Variants in DOCK1 observed in about 807,000 individuals in gnomAD.
DOCK1 encodes the protein dedicator of cytokinesis 1.
A neutral mutation model predicts 262.7 loss-of-function variants in DOCK1; 138 were observed. That is an observed-to-expected ratio of 0.53 (90% CI 0.46 to 0.61). The LOEUF (loss-of-function observed/expected upper bound fraction) is 0.61. Among genes scored for constraint, DOCK1 ranks in the 20% least tolerant of loss-of-function variants. The probability of loss-of-function intolerance (pLI) is 0.00; values close to 1 mark genes in which losing one functional copy is unlikely to be tolerated. For synonymous variants in DOCK1, 866 were observed against 867.4 expected (o/e 1.00, Z 0.03); for missense variants, 1,908 against 2,370.7 (o/e 0.80, Z 4.05).
At chr10:127,000,929 T>G (rs1039751530) in intron 10 of DOCK1, 2 of 154,872 alleles carry the variant, frequency 1.3e-5, no homozygotes, top group African/African-American at 4.8e-5. Flanking sequence ...GTGCTCTTCC[T>G]CCACCCTGCT....
At chr10:127,026,069 A>AAAAAG in intron 15 of DOCK1, 10 of 310,222 alleles carry the variant, frequency 3.2e-5, no homozygotes, top group Non-Finnish European at 4.7e-5. Flanking sequence ...CAAAAAAAAA[A>AAAAAG]AAAGAAAGAA....
At chr10:127,115,082 GT>G (rs1271354418) in intron 25 of DOCK1, among the ~76,000 whole-genome samples, 1 of 151,992 alleles carries the variant, frequency 6.6e-6, no homozygotes, top group Non-Finnish European at 1.5e-5. Flanking sequence ...CTATATGCCC[GT>G]CCCCCAGATA....
intron 13 of DOCK1, among the ~76,000 whole-genome samples, chr10:127,019,425 C>T (rs766136226): frequency 1.3e-5 from 2 of 152,058 alleles, no homozygotes; most frequent in Admixed American, 1.3e-4. Context: ...CCTTTATATC[C>T]GTGTGATACT....
intron 23 of DOCK1, among the ~76,000 whole-genome samples, chr10:127,095,814 A>G (rs2047875287): frequency 6.6e-6 from 1 of 152,210 alleles, no homozygotes; most frequent in South Asian, 2.1e-4. Flanking sequence ...GCTTCAAGGA[A>G]GGCATAACAA....
At chr10:127,026,068 A>AAAG in intron 15 of DOCK1, 1 of 221,290 alleles carries the variant, frequency 4.5e-6, no homozygotes, top group Non-Finnish European at 7.9e-6. Context: ...TCAAAAAAAA[A>AAAG]AAAAGAAAGA....
intron 1 of DOCK1, among the ~76,000 whole-genome samples, chr10:126,938,765 G>C: frequency 6.6e-6 from 1 of 151,348 alleles, no homozygotes; most frequent in South Asian, 2.1e-4. Context: ...CGGAGGGGAT[G>C]AAGACAGGAG....
chr10:126,977,481 T>C (rs2038635251), intron 2 of DOCK1, among the ~76,000 whole-genome samples: 1 of 152,090 alleles, frequency 6.6e-6, no homozygotes, highest in African/African-American at 2.4e-5. Context: ...AAAAGTGCCC[T>C]GTCTTGAAGT....
At chr10:127,181,265 C>T (rs935552532) in intron 27 of DOCK1, among the ~76,000 whole-genome samples, 11 of 152,140 alleles carry the variant, frequency 7.2e-5, no homozygotes, top group Admixed American at 2.0e-4. Flanking sequence ...TTTGAGCAAA[C>T]GTACTGTAAG....
rs540985363 is a variant in DOCK1 at position 127,392,647 on chromosome 10, A to G, written c.3927+7738A>G. ...GTGGCCGTCACCCAGACTTTCCACAAAGTTCCTTATTTGGGGCATATTTTG... is the reference window on the plus strand; with the variant it reads ...GTGGCCGTCACCCAGACTTTCCACAGAGTTCCTTATTTGGGGCATATTTTG... On this transcript the variant is annotated intron_variant, in intron 38 of 51. Coordinates refer to ENST00000623213, the MANE Select transcript of DOCK1 (RefSeq NM_001290223.2). Among the ~76,000 whole-genome samples, 730 of 152,206 alleles carry G rather than the reference A, an allele frequency of 4.8e-3. 6 individuals are homozygous for G. Among genetic ancestry groups the G allele is most frequent in the African/African-American group, 0.017 (692 of 41,528 alleles).
At chr10:126,909,510 C>G (rs1176409160) in intron 1 of DOCK1, among the ~76,000 whole-genome samples, 4 of 152,158 alleles carry the variant, frequency 2.6e-5, no homozygotes, top group Middle Eastern at 3.2e-3. Flanking sequence ...GGGTGAGGCT[C>G]TCTTGCACCC....
At chr10:127,137,173 C>G (rs1236847193) in intron 27 of DOCK1, 1 of 152,620 alleles carries the variant, frequency 6.6e-6, no homozygotes, top group Non-Finnish European at 1.5e-5. Context: ...GAGCAGTAAA[C>G]ATGTCGTAAG....
intron 27 of DOCK1, among the ~76,000 whole-genome samples, chr10:127,220,477 A>C (rs1046627566): frequency 3.3e-5 from 5 of 151,006 alleles, no homozygotes; most frequent in African/African-American, 4.9e-5. Context: ...TAAAAAAAAA[A>C]CTTAAGTCTA....
intron 1 of DOCK1, among the ~76,000 whole-genome samples, chr10:126,941,127 C>T (rs974654328): frequency 0.065 from 9,899 of 152,120 alleles, 420 homozygotes; most frequent in Middle Eastern, 0.17. Context: ...AAAATGTGCT[C>T]GGTTGGTTTA....
At chr10:126,941,092 T>C (rs2034943897) in intron 1 of DOCK1, among the ~76,000 whole-genome samples, 1 of 152,182 alleles carries the variant, frequency 6.6e-6, no homozygotes, top group African/African-American at 2.4e-5. Flanking sequence ...GTTTGGTCAT[T>C]GTCTGGGAGG....
chr10:126,975,153 T>C (rs1388079254), intron 2 of DOCK1, among the ~76,000 whole-genome samples: 2 of 152,148 alleles, frequency 1.3e-5, no homozygotes, highest in Non-Finnish European at 1.5e-5. Context: ...CGTGCTCCAT[T>C]TAAAATGCAC....
chr10:127,352,727 G>C (rs2063945045), intron 31 of DOCK1, among the ~76,000 whole-genome samples: 1 of 152,102 alleles, frequency 6.6e-6, no homozygotes. Context: ...CAAGTAGCTG[G>C]GATTACAGAC....
chr10:127,356,884 T>A (rs2064173644), intron 32 of DOCK1, among the ~76,000 whole-genome samples: 1 of 152,142 alleles, frequency 6.6e-6, no homozygotes, highest in Non-Finnish European at 1.5e-5. Context: ...AACTCTAAAG[T>A]ATAGACAGGG....
At chr10:127,114,746 C>CT (rs370043438) in intron 25 of DOCK1, among the ~76,000 whole-genome samples, 15 of 136,430 alleles carry the variant, frequency 1.1e-4, no homozygotes, top group African/African-American at 2.9e-4. Flanking sequence ...ACTCATGATC[C>CT]TTTTTTTTCT....
At chr10:127,007,819 G>A (rs1248817723) in intron 10 of DOCK1, among the ~76,000 whole-genome samples, 4 of 152,190 alleles carry the variant, frequency 2.6e-5, no homozygotes, top group African/African-American at 4.8e-5. Context: ...GTTCATGCCT[G>A]TCTTTGAGCC....
Sources: allele counts gnomAD v4.1 joint callset (sites outside exome capture counted in the v4.1 genomes callset), GRCh38; gene constraint gnomAD v4.1.1; transcripts MANE v1.5; gene names NCBI Gene and HGNC (gene_info 2026-07-23, HGNC 2026-07-21).